ZC3H12C: variants seen among roughly 807,000 people sequenced by gnomAD.
ZC3H12C encodes the protein zinc finger CCCH-type containing 12C.
ZC3H12C carries 20 observed loss-of-function variants against 76.3 expected under a neutral mutation model. That is an observed-to-expected ratio of 0.26 (90% CI 0.18 to 0.38). The LOEUF is 0.38. Among genes scored for constraint, ZC3H12C ranks in the 10% least tolerant of loss-of-function variants. The probability of loss-of-function intolerance (pLI) is 1.00; values close to 1 mark genes in which losing one functional copy is unlikely to be tolerated. For missense variants in ZC3H12C, 874 were observed against 1,086.5 expected (o/e 0.80, Z 2.75); for synonymous variants, 352 against 399.6 (o/e 0.88, Z 1.42).
intron 1 of ZC3H12C, among the ~76,000 whole-genome samples, chr11:110,117,031 T>C (rs966456024): frequency 6.6e-6 from 1 of 152,266 alleles, no homozygotes; most frequent in Non-Finnish European, 1.5e-5. Context: ...CTGGAAATAG[T>C]AGTCCCTTTA....
At chr11:110,123,722 C>A (rs1440454468) in intron 1 of ZC3H12C, among the ~76,000 whole-genome samples, 2 of 151,960 alleles carry the variant, frequency 1.3e-5, no homozygotes, top group African/African-American at 4.8e-5. Flanking sequence ...CTTTATTTTT[C>A]TTAGTAGTTC....
chr11:110,165,820 TCTC>T lies in ZC3H12C; in HGVS notation c.*86_*88del. On this transcript the variant is annotated 3_prime_UTR_variant, in exon 6 of 6. Coordinates refer to ENST00000278590, the MANE Select transcript of ZC3H12C (RefSeq NM_033390.2). ...AGGTTTGCTACAATAGCACATGTGA[TCTC>T]CTTCTCAGCAAGGAGGTTATATAGT... 1 of 1,288,132 alleles carries T rather than the reference TCTC, an allele frequency of 7.8e-7. No individual in the cohort carries two copies. The highest frequency in any genetic ancestry group is 1.1e-6 in the Non-Finnish European group (1 of 946,408). 79.8% of individuals were successfully genotyped at this position (1,288,132 alleles called of 1,614,324 possible). A position where few individuals can be genotyped will look rare whatever the true frequency, so the allele number is the denominator to read the frequency against.
rs755516129 is a variant in ZC3H12C at position 110,159,360 on chromosome 11, G to T, written c.1018G>T (p.Val340Leu). The T allele has an allele frequency of 2.8e-5, 45 of 1,613,952 alleles. No individual in the cohort carries two copies. Among genetic ancestry groups the T allele is most frequent in the Non-Finnish European group, 3.7e-5 (44 of 1,180,020 alleles). Residue 340 changes from valine to leucine, a missense_variant, in exon 4 of 6, where the codon GTG becomes TTG. Physicochemically the swap from Val to Leu is conservative, Grantham distance 32. This residue lies in a region of ZC3H12C where 269 missense variants were observed against 424.9 expected (regional missense o/e 0.63). Coordinates refer to ENST00000278590, the MANE Select transcript of ZC3H12C (RefSeq NM_033390.2). ...GGTGTGCTATGACGACAGGTTCATC[G>T]TGAAGCTGGCTTTTGAGTCGGACGG... The part of the protein sequence containing the change: ...RVVCYDDRFI[V>L]KLAFESDGII...
rs1862577395 is a variant in ZC3H12C, at chr11:110,165,947, A to G, written c.*210A>G. ...CTTTACATTTAAACTTTTTTTTTTTAACATTTCCTTTTTAAAGCTATATCC... is the reference window on the plus strand; with the variant it reads ...CTTTACATTTAAACTTTTTTTTTTTGACATTTCCTTTTTAAAGCTATATCC... On this transcript the variant is annotated 3_prime_UTR_variant, in exon 6 of 6. Coordinates refer to ENST00000278590, the MANE Select transcript of ZC3H12C (RefSeq NM_033390.2). 1 of 522,700 alleles carries G rather than the reference A, an allele frequency of 1.9e-6. No individual in the cohort carries two copies. Among genetic ancestry groups the G allele is most frequent in the Admixed American group, 3.7e-5 (1 of 26,956 alleles). The allele number at this position is 522,700 out of a possible 1,614,324, so 32.4% of individuals were successfully genotyped here. A position where few individuals can be genotyped will look rare whatever the true frequency, so the allele number is the denominator to read the frequency against.
chr11:110,098,531 A>C (rs951511615), intron 1 of ZC3H12C, among the ~76,000 whole-genome samples: 2 of 152,152 alleles, frequency 1.3e-5, no homozygotes, highest in Non-Finnish European at 2.9e-5. Context: ...TTCACTCACC[A>C]CTCACTCACT....
chr11:110,118,163 A>G (rs1591465561), intron 1 of ZC3H12C, among the ~76,000 whole-genome samples: 1 of 150,640 alleles, frequency 6.6e-6, no homozygotes, highest in African/African-American at 2.4e-5. Flanking sequence ...CACTAGAGTC[A>G]TTCCCATTAA....
intron 2 of ZC3H12C, among the ~76,000 whole-genome samples, 182 bp from the exon 3 acceptor site, chr11:110,152,737 C>A (rs1328934932): frequency 1.3e-5 from 2 of 152,132 alleles, no homozygotes; most frequent in East Asian, 3.8e-4. Flanking sequence ...TTCTGTTTTT[C>A]CTCACAGATC....
At chr11:110,157,838 T>C (rs1249417486) in intron 3 of ZC3H12C, among the ~76,000 whole-genome samples, 1 of 152,214 alleles carries the variant, frequency 6.6e-6, no homozygotes, top group South Asian at 2.1e-4. Flanking sequence ...ACCTGGCTTA[T>C]GTGTTTGTCC....
At chr11:110,102,468 C>G (rs1861234778) in intron 1 of ZC3H12C, among the ~76,000 whole-genome samples, 1 of 152,004 alleles carries the variant, frequency 6.6e-6, no homozygotes, top group Non-Finnish European at 1.5e-5. Flanking sequence ...GCTGCAATCT[C>G]ATGATAAAAC....
intron 1 of ZC3H12C, among the ~76,000 whole-genome samples, chr11:110,130,361 A>G (rs904179208): frequency 6.6e-6 from 1 of 152,282 alleles, no homozygotes; most frequent in Admixed American, 6.5e-5. Context: ...TTCTTTTGCA[A>G]TTGTATTTTC....
At chr11:110,098,121 G>A (rs1018834823) in intron 1 of ZC3H12C, among the ~76,000 whole-genome samples, 1 of 152,202 alleles carries the variant, frequency 6.6e-6, no homozygotes, top group South Asian at 2.1e-4. Flanking sequence ...GCCTGTTACC[G>A]CCCCTGAAGA....
intron 1 of ZC3H12C, among the ~76,000 whole-genome samples, chr11:110,118,248 T>G (rs919215493): frequency 6.6e-6 from 1 of 151,496 alleles, no homozygotes; most frequent in Non-Finnish European, 1.5e-5. Flanking sequence ...GATCAAGAGA[T>G]ATAAAAATTG....
chr11:110,171,581 T>C lies in ZC3H12C; in HGVS notation c.*5844T>C, dbSNP rs1054742405. 1.3e-5 allele frequency: 2 copies of C among 152,234 alleles called. No individual in the cohort carries two copies. Among genetic ancestry groups the C allele is most frequent in the Non-Finnish European group, 2.9e-5 (2 of 68,034 alleles). The allele number at this position is 152,234 out of a possible 1,614,324, so 9.4% of individuals were successfully genotyped here. A position where few individuals can be genotyped will look rare whatever the true frequency, so the allele number is the denominator to read the frequency against. On this transcript the variant is annotated 3_prime_UTR_variant, in exon 6 of 6. Transcript: ENST00000278590. Reference sequence around the variant, plus strand: ...AATCTGTATCGAAACAGCTATGTGATTCTGCCACTGAGAAAAAAAAAATTT... The same window carrying C: ...AATCTGTATCGAAACAGCTATGTGACTCTGCCACTGAGAAAAAAAAAATTT...
intron 3 of ZC3H12C, among the ~76,000 whole-genome samples, chr11:110,158,106 T>C (rs908628510): frequency 1.3e-5 from 2 of 152,054 alleles, no homozygotes; most frequent in African/African-American, 4.8e-5. Context: ...GGAGCAAAAG[T>C]AGAAGGAAAG....
chr11:110,145,441 G>T (rs1355603905), intron 2 of ZC3H12C, among the ~76,000 whole-genome samples: 1 of 152,094 alleles, frequency 6.6e-6, no homozygotes, highest in Non-Finnish European at 1.5e-5. Context: ...AGTTCATAAG[G>T]CGTTCCTTTT....
intron 4 of ZC3H12C, among the ~76,000 whole-genome samples, 176 bp from the exon 5 acceptor site, chr11:110,163,097 A>G (rs1862510417): frequency 6.6e-6 from 1 of 152,294 alleles, no homozygotes; most frequent in East Asian, 1.9e-4. Context: ...ATTTTCATTA[A>G]GAAATGAGAA....
intron 2 of ZC3H12C, among the ~76,000 whole-genome samples, chr11:110,139,435 C>T (rs1294873917): frequency 6.6e-6 from 1 of 152,120 alleles, no homozygotes; most frequent in Non-Finnish European, 1.5e-5. Context: ...GTGCCTTATA[C>T]TGATCATTTT....
At position 110,106,935 on chromosome 11, in the gene ZC3H12C, A is replaced by C. The variant is rs182940165; in HGVS notation, c.21+13503A>C. On this transcript the variant is annotated intron_variant, in intron 1 of 5. Transcript: ENST00000278590. ...TTGTCTTATTGCATTGGCTGAAATC[A>C]GAGAACAGTGCTGGTTAGTAGTAGG... 3.8e-3 allele frequency among the ~76,000 whole-genome samples: 578 copies of C among 152,346 alleles called. 3 individuals are homozygous for C. Among genetic ancestry groups the C allele is most frequent in the African/African-American group, 0.012 (491 of 41,580 alleles).
chr11:110,144,008 G>C (rs892238448), intron 2 of ZC3H12C, among the ~76,000 whole-genome samples: 1 of 152,060 alleles, frequency 6.6e-6, no homozygotes, highest in South Asian at 2.1e-4. Flanking sequence ...CAAACTTACA[G>C]GTCAAGTTTT....
Sources: gnomAD v4.1 joint callset for allele counts (sites outside exome capture counted in the v4.1 genomes callset) on GRCh38, gnomAD v4.1.1 for gene constraint, gnomAD v4.1.1 regional missense constraint, MANE v1.5 for transcripts, NCBI Gene and HGNC (gene_info 2026-07-23, HGNC 2026-07-21) for gene names.